The following LEPROTL1 variants were observed in gnomAD, a reference collection of about 807,000 sequenced individuals.
LEPROTL1 encodes leptin receptor overlapping transcript like 1, also known as leptin receptor overlapping transcript-like 1.
A neutral mutation model predicts 15.4 loss-of-function variants in LEPROTL1; 6 were observed. The observed-to-expected ratio is 0.39, with a 90% CI of 0.21 to 0.77. The LOEUF is 0.77. Among genes scored for constraint, LEPROTL1 ranks in the 30% least tolerant of loss-of-function variants. The probability of loss-of-function intolerance (pLI) is 0.41; values close to 1 mark genes in which losing one functional copy is unlikely to be tolerated. For synonymous variants in LEPROTL1, 56 were observed against 52.6 expected (o/e 1.06, Z -0.28); for missense variants, 128 against 158.1 (o/e 0.81, Z 1.02).
intron 4 of LEPROTL1, among the ~76,000 whole-genome samples, chr8:30,133,862 T>G (rs1367529174): frequency 1.3e-5 from 2 of 151,252 alleles, no homozygotes; most frequent in Non-Finnish European, 2.9e-5. Flanking sequence ...AACAAAACAC[T>G]TCTGACAAAC....
At chr8:30,129,998 C>A (rs1802973537) in intron 3 of LEPROTL1, among the ~76,000 whole-genome samples, 1 of 152,106 alleles carries the variant, frequency 6.6e-6, no homozygotes, top group Non-Finnish European at 1.5e-5. Context: ...ATTATGAGAA[C>A]AGCAAGGGGG....
chr8:30,132,534 C>A lies in LEPROTL1; in HGVS notation c.394+45C>A, dbSNP rs766256069. The A allele has an allele frequency of 3.2e-6, 5 of 1,551,752 alleles. No individual in the cohort carries two copies. In the South Asian group the frequency reaches 3.6e-5, roughly 11 times the overall value. On this transcript the variant is annotated intron_variant, in intron 4 of 4. Coordinates refer to the LEPROTL1 transcript ENST00000442880. ...CTGTGGTCCACACGACATAGATGCACTCGAATTGCTGGCAATCAGTCAGTC... is the reference window on the plus strand; with the variant it reads ...CTGTGGTCCACACGACATAGATGCAATCGAATTGCTGGCAATCAGTCAGTC...
At chr8:30,134,188 G>A (rs924310321) in intron 4 of LEPROTL1, among the ~76,000 whole-genome samples, 2 of 152,272 alleles carry the variant, frequency 1.3e-5, no homozygotes, top group South Asian at 2.1e-4. Context: ...ACTTTGGGAG[G>A]CCGAGGCAGG....
At position 30,107,704 on chromosome 8, in the gene LEPROTL1, A is replaced by G; in HGVS notation, c.*1842A>G. ...GAAGGTGCAGGTACACATGAGTTAGAGAGCTGGTGAGACAGTTGGGAACTC... is the reference window on the plus strand; with the variant it reads ...GAAGGTGCAGGTACACATGAGTTAGGGAGCTGGTGAGACAGTTGGGAACTC... On this transcript the variant is annotated 3_prime_UTR_variant, in exon 4 of 4. Transcript: ENST00000321250. 1.0e-6 allele frequency: 1 copy of G among 985,486 alleles called. No individual in the cohort carries two copies. The highest frequency in any genetic ancestry group is 1.2e-6 in the Non-Finnish European group (1 of 829,934). 61.0% of individuals were successfully genotyped at this position (985,486 alleles called of 1,614,324 possible). A position where few individuals can be genotyped will look rare whatever the true frequency, so the allele number is the denominator to read the frequency against.
chr8:30,096,200 CCT>C, intron 1 of LEPROTL1: 1 of 707,298 alleles, frequency 1.4e-6, no homozygotes. Context: ...TTCTTTTTTT[CCT>C]TTTTTTTTTT....
Position 30,108,047 on chromosome 8 carries a change from A to G in LEPROTL1, c.*2185A>G. ...AAAGAAAACTTTTGATGATGAAACA[A>G]TAAAGATTTTAAATATCTATTTTAG... On this transcript the variant is annotated 3_prime_UTR_variant, in exon 4 of 4. Transcript: ENST00000321250. 7 of 891,054 alleles carry G rather than the reference A, an allele frequency of 7.9e-6. No homozygotes were observed. The highest frequency in any genetic ancestry group is 6.7e-6 in the Non-Finnish European group (5 of 744,188). The allele number at this position is 891,054 out of a possible 1,614,324, so 55.2% of individuals were successfully genotyped here.
Position 30,106,388 on chromosome 8 carries a change from A to T in LEPROTL1, c.*526A>T. The stretch of plus-strand genomic sequence containing the variant: ...GGTTGGCATACGTTATAGACTGTAT[A>T]CTCAGTGCAAATATAGCTGCATTTA... On this transcript the variant is annotated 3_prime_UTR_variant, in exon 4 of 4. Transcript: ENST00000321250. The T allele has an allele frequency of 1.0e-6, 1 of 985,882 alleles. No homozygotes were observed. Among genetic ancestry groups the T allele is most frequent in the Non-Finnish European group, 1.2e-6 (1 of 829,942 alleles). The allele number at this position is 985,882 out of a possible 1,614,324, so 61.1% of individuals were successfully genotyped here. A position where few individuals can be genotyped will look rare whatever the true frequency, so the allele number is the denominator to read the frequency against.
At chr8:30,115,539 ATTTTTTTTTTTTT>A (rs71206228) in intron 3 of LEPROTL1, among the ~76,000 whole-genome samples, 1 of 74,356 alleles carries the variant, frequency 1.3e-5, no homozygotes, top group South Asian at 5.8e-4. Flanking sequence ...TGCCTGGCTA[ATTTTTTTTTTTTT>A]TTTTTTTTTT....
intron 4 of LEPROTL1, among the ~76,000 whole-genome samples, chr8:30,134,221 G>C (rs1229986546): frequency 6.6e-6 from 1 of 151,966 alleles, no homozygotes; most frequent in Non-Finnish European, 1.5e-5. Flanking sequence ...TCAAGAGATC[G>C]AGACCATCCT....
chr8:30,112,401 ATTTTTTTTTTTTTTTTTTTTTT>A (rs10684450), downstream of LEPROTL1, among the ~76,000 whole-genome samples: 2 of 27,864 alleles, frequency 7.2e-5, no homozygotes, highest in Non-Finnish European at 1.4e-4. Context: ...TGCCCAGCTA[ATTTTTTTTTTTTTTTTTTTTTT>A]TTTTTTTTGG....
chr8:30,129,711 TCACA>T (rs35105107), intron 3 of LEPROTL1, among the ~76,000 whole-genome samples: 4,709 of 128,298 alleles, frequency 0.037, 79 homozygotes, highest in East Asian at 0.096. Flanking sequence ...TGAGACCCTG[TCACA>T]CACACACACA....
intron 3 of LEPROTL1, among the ~76,000 whole-genome samples, chr8:30,118,019 GTTTTTT>G: frequency 3.7e-5 from 1 of 26,772 alleles, no homozygotes; most frequent in South Asian, 1.3e-3. Flanking sequence ...TTTTTGATTT[GTTTTTT>G]TTTTTTTTTT....
At chr8:30,109,839 T>G (rs1411750410), downstream of LEPROTL1, among the ~76,000 whole-genome samples, 1 of 151,612 alleles carries the variant, frequency 6.6e-6, no homozygotes, top group Non-Finnish European at 1.5e-5. Flanking sequence ...ACAGGTATTC[T>G]TCCTCTTGAA....
chr8:30,137,174 C>A, intron 4 of LEPROTL1: 1 of 930,978 alleles, frequency 1.1e-6, no homozygotes, highest in Non-Finnish European at 1.7e-6. Flanking sequence ...ATGAGATCTC[C>A]AGATCACAAA....
chr8:30,108,420 A>G lies in LEPROTL1; in HGVS notation c.*2558A>G, dbSNP rs1802606007. On this transcript the variant is annotated 3_prime_UTR_variant, in exon 4 of 4. Coordinates refer to ENST00000321250, the MANE Select transcript of LEPROTL1 (RefSeq NM_015344.3). ...TTTTATGACTTCTTATTATGTATTT[A>G]TTACCACTCATTATTATAGCATGTT... 2.0e-5 allele frequency: 3 copies of G among 152,176 alleles called. No individual in the cohort carries two copies. In the South Asian group the frequency reaches 6.2e-4, roughly 31 times the overall value. 9.4% of individuals were successfully genotyped at this position (152,176 alleles called of 1,614,324 possible). A position where few individuals can be genotyped will look rare whatever the true frequency, so the allele number is the denominator to read the frequency against.
chr8:30,125,944 A>G (rs902522031), intron 3 of LEPROTL1, among the ~76,000 whole-genome samples: 38 of 152,208 alleles, frequency 2.5e-4, no homozygotes, highest in Non-Finnish European at 5.1e-4. Flanking sequence ...AAATATAATC[A>G]CTATCCCTTC....
chr8:30,136,859 T>A (rs1227863986), intron 4 of LEPROTL1, among the ~76,000 whole-genome samples: 1 of 152,080 alleles, frequency 6.6e-6, no homozygotes, highest in Non-Finnish European at 1.5e-5. Context: ...AGCTAATTTT[T>A]GTATTTTTAG....
chr8:30,105,972 G>A lies in LEPROTL1; in HGVS notation c.*110G>A. 7.7e-7 allele frequency: 1 copy of A among 1,302,000 alleles called. No individual in the cohort carries two copies. The highest frequency in any genetic ancestry group is 2.3e-5 in the South Asian group (1 of 44,240). The allele number at this position is 1,302,000 out of a possible 1,614,324, so 80.7% of individuals were successfully genotyped here. ...GAATGGTATAGCAAGCCTCTTGGGGGTATTTTAGGTGCTCCCTTCTCACTT... is the reference window on the plus strand; with the variant it reads ...GAATGGTATAGCAAGCCTCTTGGGGATATTTTAGGTGCTCCCTTCTCACTT... On this transcript the variant is annotated 3_prime_UTR_variant, in exon 4 of 4. Transcript: ENST00000321250.
At chr8:30,135,921 A>AG (rs1025495454) in intron 4 of LEPROTL1, among the ~76,000 whole-genome samples, 4 of 151,450 alleles carry the variant, frequency 2.6e-5, no homozygotes, top group Admixed American at 2.6e-4. Context: ...CTGAAAAAAA[A>AG]AAAAAAAAGG....
Sources: allele counts gnomAD v4.1 joint callset (sites outside exome capture counted in the v4.1 genomes callset), GRCh38; gene constraint gnomAD v4.1.1; transcripts MANE v1.5; gene names NCBI Gene and HGNC (gene_info 2026-07-23, HGNC 2026-07-21).